The following CCZ1B variants were observed in gnomAD, a reference collection of about 807,000 sequenced individuals.
CCZ1B encodes the protein vacuolar fusion protein CCZ1 homolog B.
A neutral mutation model predicts 58.8 loss-of-function variants in CCZ1B; 25 were observed. The observed-to-expected ratio is 0.43, with a 90% CI of 0.31 to 0.59. CCZ1B has a LOEUF of 0.59. CCZ1B is among the 20% of genes least tolerant of loss of function. CCZ1B has a pLI of 0.12. For synonymous variants in CCZ1B, 66 were observed against 173.2 expected (o/e 0.38, Z 4.86); for missense variants, 180 against 501.5 (o/e 0.36, Z 6.12).
intron 1 of CCZ1B, among the ~76,000 whole-genome samples, 192 bp downstream of exon 1, chr7:6,825,886 G>C (rs1372532776): frequency 1.0e-3 from 85 of 83,706 alleles, no homozygotes; most frequent in Middle Eastern, 4.5e-3. Context: ...GACCCGACGG[G>C]GCTTTATTCC....
intron 9 of CCZ1B, 76 bp from the exon 10 acceptor site, chr7:6,812,139 C>T: frequency 9.5e-7 from 1 of 1,052,692 alleles, no homozygotes; most frequent in Non-Finnish European, 1.5e-6. Flanking sequence ...GAACACACTC[C>T]CACTTCATAC....
chr7:6,803,902 A>T (rs1357587925), intron 12 of CCZ1B, among the ~76,000 whole-genome samples: 2 of 147,008 alleles, frequency 1.4e-5, no homozygotes, highest in Admixed American at 6.8e-5. Context: ...TGAGCTGAGA[A>T]CAGACCATTG....
At chr7:6,823,393 T>A in intron 4 of CCZ1B, 33 bp from the exon 5 acceptor site, 1 of 1,605,306 alleles carries the variant, frequency 6.2e-7, no homozygotes, top group Non-Finnish European at 8.5e-7. Flanking sequence ...CACAGCTCAG[T>A]TCAAGGGAAA....
intron 6 of CCZ1B, among the ~76,000 whole-genome samples, chr7:6,820,739 T>C (rs1218221763): frequency 6.7e-6 from 1 of 148,678 alleles, no homozygotes; most frequent in Non-Finnish European, 1.5e-5. Context: ...CTCGCCAACA[T>C]GGCAAAACCC....
intron 4 of CCZ1B, chr7:6,823,754 A>T (rs4724858): frequency 2.3e-6 from 1 of 439,982 alleles, no homozygotes. Flanking sequence ...CCTGACCTCA[A>T]GTAATCTGCC....
chr7:6,822,323 G>A lies in CCZ1B; in HGVS notation c.480C>T (p.Gly160=), dbSNP rs780706295. The change falls in exon 6 of 15, where the codon GGC becomes GGT. Residue 160 remains glycine, a synonymous_variant. Transcript: ENST00000316731. The part of the protein sequence containing the change: ...GTFLKAMEDG[G]VKLLKERLEK... ...CTAATCTTTCTTTCAGAAGCTTGAC[G>A]CCTCCGTCTTCCATGGCTTTCAGAA... is the stretch of plus-strand genomic sequence containing the variant. 29 of 1,590,814 alleles carry A rather than the reference G, an allele frequency of 1.8e-5. 1 individual carries two copies. The highest frequency in any genetic ancestry group is 4.2e-5 in the African/African-American group (3 of 70,728).
intron 3 of CCZ1B, 54 bp from the exon 4 acceptor site, chr7:6,824,220 T>C: frequency 6.6e-7 from 1 of 1,524,086 alleles, no homozygotes. Context: ...ACCATGTTTA[T>C]TTTGCCTTAA....
intron 12 of CCZ1B, among the ~76,000 whole-genome samples, chr7:6,804,183 G>A (rs559281968): frequency 5.5e-5 from 8 of 145,014 alleles, no homozygotes; most frequent in Non-Finnish European, 1.2e-4. Context: ...CCAGCACTTT[G>A]GGAGGCTGAG....
rs545275533 is a variant in CCZ1B at position 6,821,104 on chromosome 7, G to A, written c.523-1163C>T. Among the ~76,000 whole-genome samples the A allele has an allele frequency of 2.0e-5, 3 of 148,162 alleles. No individual in the cohort carries two copies. The East Asian group carries it at 5.9e-4, about 29-fold the overall frequency. On this transcript the variant is annotated intron_variant, in intron 6 of 14. Coordinates refer to ENST00000316731, the MANE Select transcript of CCZ1B (RefSeq NM_198097.5). ...GCTCACTGCAACCTCTGCCTCTGGGGTTCAAGCGATTCTCCTGCCTCAGCC... is the reference window on the plus strand; with the variant it reads ...GCTCACTGCAACCTCTGCCTCTGGGATTCAAGCGATTCTCCTGCCTCAGCC...
chr7:6,800,681 G>T (rs1226498849), intron 14 of CCZ1B, among the ~76,000 whole-genome samples: 2 of 142,652 alleles, frequency 1.4e-5, no homozygotes, highest in African/African-American at 5.4e-5. Flanking sequence ...AAAAAAGGGG[G>T]ACATTTCTTA....
At chr7:6,819,087 C>A (rs1285669848) in intron 7 of CCZ1B, among the ~76,000 whole-genome samples, 2 of 125,038 alleles carry the variant, frequency 1.6e-5, no homozygotes, top group African/African-American at 6.4e-5. Flanking sequence ...GAGTTTGAGA[C>A]CAGCCTGGGC....
intron 12 of CCZ1B, among the ~76,000 whole-genome samples, chr7:6,801,894 A>G (rs1485755803): frequency 8.4e-6 from 1 of 118,656 alleles, no homozygotes; most frequent in Non-Finnish European, 1.8e-5. Context: ...TTTTCTAAAC[A>G]AAGTTTCACG....
At chr7:6,803,946 T>TAAAACA (rs1782797536) in intron 12 of CCZ1B, among the ~76,000 whole-genome samples, 1 of 97,260 alleles carries the variant, frequency 1.0e-5, no homozygotes, top group African/African-American at 4.1e-5. Context: ...GACTCTGTCT[T>TAAAACA]AAAAAAAAAA....
At chr7:6,804,478 G>A (rs1395752011) in intron 12 of CCZ1B, among the ~76,000 whole-genome samples, 1 of 117,706 alleles carries the variant, frequency 8.5e-6, no homozygotes, top group East Asian at 3.4e-4. Context: ...CTAGAGAGCC[G>A]GAGGAGTGAA....
intron 10 of CCZ1B, among the ~76,000 whole-genome samples, chr7:6,810,486 T>A (rs1196641109): frequency 6.7e-6 from 1 of 148,396 alleles, no homozygotes; most frequent in Non-Finnish European, 1.5e-5. Context: ...AGGGTTTCAC[T>A]CTGTCACCCA....
chr7:6,823,380 G>C lies in CCZ1B; in HGVS notation c.391-20C>G, dbSNP rs201169391. 1.5e-5 allele frequency: 24 copies of C among 1,607,350 alleles called. No homozygotes were observed. Among genetic ancestry groups the C allele is most frequent in the Non-Finnish European group, 2.0e-5 (23 of 1,177,346 alleles). ...CTTGTCCTGCAGACGCGAAAACACA[G>C]CACACAGCTCAGTTCAAGGGAAAAA... On this transcript the variant is annotated intron_variant, in intron 4 of 14. Transcript: ENST00000316731.
chr7:6,825,707 T>C (rs1352458499), intron 1 of CCZ1B, among the ~76,000 whole-genome samples: 3 of 129,874 alleles, frequency 2.3e-5, no homozygotes, highest in African/African-American at 9.0e-5. Context: ...GCGAAAACTA[T>C]TACAGGGACC....
intron 10 of CCZ1B, among the ~76,000 whole-genome samples, chr7:6,809,769 C>T (rs1448261161): frequency 1.4e-5 from 2 of 142,132 alleles, no homozygotes; most frequent in African/African-American, 5.4e-5. Context: ...GCGGCTTGAA[C>T]CCTAGAGCCC....
Position 6,818,634 on chromosome 7 carries a change from CAAGA to C in CCZ1B, c.698+1128_698+1131del, listed in dbSNP as rs748338184. On this transcript the variant is annotated intron_variant, in intron 7 of 14. Coordinates refer to ENST00000316731, the MANE Select transcript of CCZ1B (RefSeq NM_198097.5). Reference sequence around the variant, plus strand: ...AAGAAAGACAAGAAAGAAAGAAAGACAAGAAAGAAAGAAAGACAGAAAGAAAGAC... The same window carrying C: ...AAGAAAGACAAGAAAGAAAGAAAGACAAGAAAGAAAGACAGAAAGAAAGAC... Among the ~76,000 whole-genome samples the C allele has an allele frequency of 1.9e-3, 211 of 109,170 alleles. 16 individuals carry two copies. The highest frequency in any genetic ancestry group is 5.4e-3 in the African/African-American group (149 of 27,496). 71.6% of individuals were successfully genotyped at this position (109,170 alleles called of 152,430 possible). A position where few individuals can be genotyped will look rare whatever the true frequency, so the allele number is the denominator to read the frequency against.
Sources: gnomAD v4.1 joint callset for allele counts (sites outside exome capture counted in the v4.1 genomes callset) on GRCh38, gnomAD v4.1.1 for gene constraint, MANE v1.5 for transcripts, NCBI Gene and HGNC (gene_info 2026-07-23, HGNC 2026-07-21) for gene names.